Variants in MCC observed in about 807,000 individuals in gnomAD.
The protein encoded by MCC is MCC regulator of Wnt signaling pathway.
Under a neutral mutation model 116.2 loss-of-function variants are expected in MCC, and 90 were observed. The ratio of observed to expected loss-of-function variants is 0.77; its 90% CI spans 0.65 to 0.92. The LOEUF is 0.92. Among genes scored for constraint, MCC ranks in the 40% least tolerant of loss-of-function variants. MCC has a pLI of 0.00. For synonymous variants in MCC, 578 were observed against 510.5 expected (o/e 1.13, Z -1.78); for missense variants, 1,516 against 1,312.2 (o/e 1.16, Z -2.40).
At chr5:113,078,954 A>G (rs886102527) in intron 11 of MCC, among the ~76,000 whole-genome samples, 2 of 152,254 alleles carry the variant, frequency 1.3e-5, no homozygotes, top group Admixed American at 1.3e-4. Flanking sequence ...AAGCAACTTC[A>G]GAAAAGTCTC....
intron 1 of MCC, among the ~76,000 whole-genome samples, chr5:113,482,794 C>T (rs1772413489): frequency 1.3e-5 from 2 of 152,016 alleles, no homozygotes; most frequent in African/African-American, 4.8e-5. Context: ...GTAGCTTGTG[C>T]TTTTGGTGTC....
At chr5:113,075,231 G>A (rs983165897) in intron 11 of MCC, among the ~76,000 whole-genome samples, 8 of 152,186 alleles carry the variant, frequency 5.3e-5, no homozygotes, top group Non-Finnish European at 8.8e-5. Flanking sequence ...CGGCCCGCTC[G>A]CGCCACGCTC....
intron 3 of MCC, among the ~76,000 whole-genome samples, chr5:113,288,864 A>C (rs56294433): frequency 0.078 from 11,902 of 152,182 alleles, 821 homozygotes; most frequent in Admixed American, 0.24. Flanking sequence ...CATAATTTCT[A>C]AACCTGTAAC....
chr5:113,320,543 T>G (rs909775109), intron 3 of MCC, among the ~76,000 whole-genome samples: 3 of 151,836 alleles, frequency 2.0e-5, no homozygotes, highest in Non-Finnish European at 4.4e-5. Flanking sequence ...GCCCTCTACA[T>G]GTTCCAAATA....
chr5:113,209,832 A>G (rs976168822), intron 3 of MCC, among the ~76,000 whole-genome samples: 3 of 152,154 alleles, frequency 2.0e-5, no homozygotes, highest in Admixed American at 6.5e-5. Flanking sequence ...AAAAAGAAAA[A>G]CACCAAGTCT....
intron 3 of MCC, among the ~76,000 whole-genome samples, chr5:113,268,525 C>A (rs1246168145): frequency 6.6e-6 from 1 of 152,084 alleles, no homozygotes; most frequent in South Asian, 2.1e-4. Context: ...ATCCTGTCTC[C>A]CAGTAAGGGT....
At chr5:113,093,277 A>C (rs966673202) in intron 8 of MCC, among the ~76,000 whole-genome samples, 4 of 152,128 alleles carry the variant, frequency 2.6e-5, no homozygotes, top group African/African-American at 7.2e-5. Flanking sequence ...TGAGTGCCAA[A>C]TTACAACAAA....
intron 3 of MCC, among the ~76,000 whole-genome samples, chr5:113,196,832 C>T (rs144308758): frequency 1.1e-4 from 16 of 152,268 alleles, no homozygotes; most frequent in African/African-American, 3.9e-4. Context: ...GAACAAGACT[C>T]TATCTCAAAA....
At chr5:113,345,012 C>A (rs2150380149) in intron 2 of MCC, among the ~76,000 whole-genome samples, 1 of 152,208 alleles carries the variant, frequency 6.6e-6, no homozygotes, top group South Asian at 2.1e-4. Flanking sequence ...TGGACCTGCC[C>A]CGGGCCAGAA....
intron 14 of MCC, among the ~76,000 whole-genome samples, chr5:113,055,868 C>A (rs776041934): frequency 2.0e-5 from 3 of 152,306 alleles, no homozygotes; most frequent in African/African-American, 7.2e-5. Flanking sequence ...ATCAGAGAGG[C>A]CTTAAGGGGA....
intron 3 of MCC, among the ~76,000 whole-genome samples, chr5:113,152,678 G>A (rs1427494702): frequency 6.6e-6 from 1 of 152,178 alleles, no homozygotes; most frequent in Non-Finnish European, 1.5e-5. Context: ...GGGTGAGGGT[G>A]GGGTGGGTGT....
intron 12 of MCC, among the ~76,000 whole-genome samples, chr5:113,068,589 C>G (rs541473700): frequency 3.3e-5 from 5 of 152,326 alleles, no homozygotes; most frequent in African/African-American, 1.2e-4. Flanking sequence ...ACAGAAGTGA[C>G]AGTAGGTCAT....
At chr5:113,116,178 C>T (rs1170152846) in intron 6 of MCC, among the ~76,000 whole-genome samples, 1 of 152,314 alleles carries the variant, frequency 6.6e-6, no homozygotes, top group East Asian at 1.9e-4. Flanking sequence ...AGCACTCATC[C>T]CAGGCCCTGT....
chr5:113,197,742 C>CT (rs565223936), intron 3 of MCC, among the ~76,000 whole-genome samples: 24 of 152,198 alleles, frequency 1.6e-4, no homozygotes, highest in Admixed American at 6.5e-4. Flanking sequence ...ACTATCCTCA[C>CT]TTTATAGTTG....
chr5:113,186,443 G>T (rs1010360388), intron 3 of MCC, among the ~76,000 whole-genome samples: 7 of 152,152 alleles, frequency 4.6e-5, no homozygotes, highest in Non-Finnish European at 8.8e-5. Flanking sequence ...CAATGAACTA[G>T]AAATGCGGTC....
chr5:113,022,307 A>C lies in MCC; in HGVS notation c.*4995T>G, dbSNP rs899403215. The C allele has an allele frequency of 5.9e-5, 9 of 152,700 alleles. No individual in the cohort carries two copies. The highest frequency in any genetic ancestry group is 2.2e-4 in the African/African-American group (9 of 41,472). 9.5% of individuals were successfully genotyped at this position (152,700 alleles called of 1,614,324 possible). ...TCTAAAAAATTACAAGGTATAGTAC[A>C]GTGTTAAGTAGCAATTTTAAAATGA... On this transcript the variant is annotated 3_prime_UTR_variant, in exon 19 of 19. Transcript: ENST00000408903.
intron 3 of MCC, among the ~76,000 whole-genome samples, chr5:113,250,009 C>T (rs1440402045): frequency 6.6e-6 from 1 of 152,202 alleles, no homozygotes; most frequent in African/African-American, 2.4e-5. Flanking sequence ...TCAGGAACCA[C>T]CACCAAATAA....
At chr5:113,116,059 C>T (rs1757373997) in intron 6 of MCC, among the ~76,000 whole-genome samples, 2 of 152,210 alleles carry the variant, frequency 1.3e-5, no homozygotes, top group African/African-American at 2.4e-5. Context: ...GCTCACTAAC[C>T]TCCAGTCCAA....
rs1369169964 is a variant in MCC, at chr5:113,294,560, A to G, written c.627+45959T>C. On this transcript the variant is annotated intron_variant, in intron 3 of 18. Transcript: ENST00000408903. ...GGAGGATGCAGGCACTCTTAAAAAG[A>G]GCAGCCGTGGCTCGCGTTTCACGGA... The G allele has an allele frequency of 8.3e-6, 11 of 1,330,926 alleles. No individual in the cohort carries two copies. In the Admixed American group the frequency reaches 3.2e-4, roughly 39 times the overall value. The allele number at this position is 1,330,926 out of a possible 1,614,324, so 82.4% of individuals were successfully genotyped here. A position where few individuals can be genotyped will look rare whatever the true frequency, so the allele number is the denominator to read the frequency against.
Sources: gnomAD v4.1 joint callset for allele counts (sites outside exome capture counted in the v4.1 genomes callset) on GRCh38, gnomAD v4.1.1 for gene constraint, MANE v1.5 for transcripts, NCBI Gene and HGNC (gene_info 2026-07-23, HGNC 2026-07-21) for gene names.